Variants in SORCS3 observed in about 807,000 individuals in gnomAD.
The protein encoded by SORCS3 is VPS10 domain-containing receptor SorCS3.
Under a neutral mutation model 146.3 loss-of-function variants are expected in SORCS3, and 57 were observed. The observed-to-expected ratio is 0.39, with a 90% CI of 0.31 to 0.49. The LOEUF (loss-of-function observed/expected upper bound fraction) is 0.49. Ranked by LOEUF, SORCS3 falls within the 20% of genes least tolerant of loss-of-function variation. SORCS3 has a pLI of 0.92. For missense variants in SORCS3, 1,341 were observed against 1,575.5 expected (o/e 0.85, Z 2.52); for synonymous variants, 653 against 618.5 (o/e 1.06, Z -0.83).
At chr10:104,934,435 A>G (rs920644423) in intron 3 of SORCS3, among the ~76,000 whole-genome samples, 4 of 152,214 alleles carry the variant, frequency 2.6e-5, no homozygotes, top group Admixed American at 2.0e-4. Context: ...AAGAGCAGGG[A>G]CAGTATCTTG....
chr10:104,681,255 A>C (rs567883746), intron 1 of SORCS3, among the ~76,000 whole-genome samples: 72 of 152,244 alleles, frequency 4.7e-4, no homozygotes, highest in Admixed American at 2.3e-3. Context: ...GAGATGAGAG[A>C]GAGCTGGAGA....
chr10:105,178,247 T>C, intron 14 of SORCS3, 74 bp downstream of exon 14: 2 of 1,224,784 alleles, frequency 1.6e-6, no homozygotes, highest in Non-Finnish European at 2.3e-6. Flanking sequence ...CCTTGGATTT[T>C]TCCCAGGGAA....
At chr10:105,120,105 G>C (rs2055921113) in intron 7 of SORCS3, among the ~76,000 whole-genome samples, 1 of 152,076 alleles carries the variant, frequency 6.6e-6, no homozygotes, top group African/African-American at 2.4e-5. Context: ...ATTGAATCAT[G>C]GGGGCGGTTG....
At chr10:104,743,502 C>T (rs1242794879) in intron 1 of SORCS3, among the ~76,000 whole-genome samples, 1 of 152,146 alleles carries the variant, frequency 6.6e-6, no homozygotes, top group Non-Finnish European at 1.5e-5. Context: ...AAGTTTAATG[C>T]GTTCCTAATG....
At chr10:104,959,822 T>G (rs2054782565) in intron 3 of SORCS3, among the ~76,000 whole-genome samples, 1 of 152,188 alleles carries the variant, frequency 6.6e-6, no homozygotes, top group African/African-American at 2.4e-5. Flanking sequence ...ATCTGCCAAC[T>G]CCTTGCACAG....
intron 1 of SORCS3, among the ~76,000 whole-genome samples, chr10:104,739,938 A>G (rs184603179): frequency 7.2e-4 from 109 of 152,260 alleles, no homozygotes; most frequent in Non-Finnish European, 1.0e-3. Context: ...TGTACTTGGT[A>G]CCTCTTTTGT....
intron 2 of SORCS3, among the ~76,000 whole-genome samples, chr10:104,871,956 T>G (rs2018523252): frequency 6.6e-6 from 1 of 152,142 alleles, no homozygotes; most frequent in Non-Finnish European, 1.5e-5. Context: ...ACATCTGTAC[T>G]GTAGGCAAGG....
chr10:104,831,455 C>T (rs2017999905), intron 1 of SORCS3, among the ~76,000 whole-genome samples: 1 of 152,124 alleles, frequency 6.6e-6, no homozygotes, highest in Admixed American at 6.5e-5. Context: ...GGGAGTGCCC[C>T]AAACGGTACC....
chr10:104,770,925 A>G (rs1395702151), intron 1 of SORCS3, among the ~76,000 whole-genome samples: 1 of 152,244 alleles, frequency 6.6e-6, no homozygotes, highest in Non-Finnish European at 1.5e-5. Context: ...TTTAATGTAT[A>G]ATCAATATAA....
At chr10:105,158,793 A>G in intron 10 of SORCS3, 99 bp from the exon 11 acceptor site, 2 of 879,634 alleles carry the variant, frequency 2.3e-6, no homozygotes, top group East Asian at 2.6e-5. Flanking sequence ...ATGCCTTGCT[A>G]TTTCTGGGAG....
intron 1 of SORCS3, among the ~76,000 whole-genome samples, chr10:104,830,189 G>T (rs1040517762): frequency 6.6e-6 from 1 of 152,152 alleles, no homozygotes; most frequent in African/African-American, 2.4e-5. Context: ...TGCTGAGGAT[G>T]ATGGCTTCCA....
At chr10:104,821,407 A>C (rs1315317507) in intron 1 of SORCS3, among the ~76,000 whole-genome samples, 2 of 152,182 alleles carry the variant, frequency 1.3e-5, no homozygotes, top group East Asian at 3.9e-4. Context: ...TGGCAGGCAG[A>C]GAAGGGCAGG....
At chr10:104,784,826 C>A (rs934275880) in intron 1 of SORCS3, among the ~76,000 whole-genome samples, 11 of 152,228 alleles carry the variant, frequency 7.2e-5, no homozygotes, top group Admixed American at 6.5e-5. Context: ...TTGCCTCAAG[C>A]CTCTTTTCTT....
chr10:104,742,731 C>T (rs1045529151), intron 1 of SORCS3, among the ~76,000 whole-genome samples: 4 of 152,146 alleles, frequency 2.6e-5, no homozygotes, highest in African/African-American at 9.7e-5. Flanking sequence ...GACAACTGAA[C>T]CAGTCAAAGA....
At chr10:104,670,924 C>G (rs541876933) in intron 1 of SORCS3, among the ~76,000 whole-genome samples, 20 of 152,042 alleles carry the variant, frequency 1.3e-4, no homozygotes, top group Non-Finnish European at 2.9e-4. Context: ...ATTTTTACTG[C>G]TATTATAAAT....
rs371912976 is a variant in SORCS3, at chr10:105,167,363, C to T, written c.1901+14C>T. ...CAGGCATTTGTGGTAAGGAGAGCTCCCTACCCTATTAATGAGCTAATGAGC... is the reference window on the plus strand; with the variant it reads ...CAGGCATTTGTGGTAAGGAGAGCTCTCTACCCTATTAATGAGCTAATGAGC... On this transcript the variant is annotated intron_variant, in intron 13 of 26. Coordinates refer to ENST00000369701, the MANE Select transcript of SORCS3 (RefSeq NM_014978.3). 1.9e-6 allele frequency: 3 copies of T among 1,604,982 alleles called. No homozygotes were observed. The African/African-American group carries it at 4.0e-5, about 22-fold the overall frequency.
At chr10:104,949,331 T>C (rs2019405147) in intron 3 of SORCS3, among the ~76,000 whole-genome samples, 1 of 152,216 alleles carries the variant, frequency 6.6e-6, no homozygotes, top group Non-Finnish European at 1.5e-5. Flanking sequence ...AGAAATAGTT[T>C]TGAATGTAGC....
chr10:105,154,069 G>GAGAAAAA (rs1230649443), intron 9 of SORCS3, among the ~76,000 whole-genome samples: 2 of 76,156 alleles, frequency 2.6e-5, no homozygotes, highest in Non-Finnish European at 4.8e-5. Context: ...GACTCCATCT[G>GAGAAAAA]AAAAAAAAAA....
chr10:105,000,080 T>C (rs1327997421), intron 4 of SORCS3, among the ~76,000 whole-genome samples: 1 of 151,974 alleles, frequency 6.6e-6, no homozygotes, highest in Non-Finnish European at 1.5e-5. Flanking sequence ...AATGAATGAA[T>C]GAATGAATGA....
Sources: gnomAD v4.1 joint callset for allele counts (sites outside exome capture counted in the v4.1 genomes callset) on GRCh38, gnomAD v4.1.1 for gene constraint, MANE v1.5 for transcripts, NCBI Gene and HGNC (gene_info 2026-07-23, HGNC 2026-07-21) for gene names.